The following ABCA8 variants were observed in gnomAD, a reference collection of about 807,000 sequenced individuals.
ABCA8 encodes the protein ABC-type organic anion transporter ABCA8.
Under a neutral mutation model 192.3 loss-of-function variants are expected in ABCA8, and 177 were observed. The observed-to-expected ratio is 0.92, with a 90% CI of 0.81 to 1.04. The LOEUF (loss-of-function observed/expected upper bound fraction) is 1.04, where lower values mean the gene tolerates loss of function less well. Ranked by LOEUF, ABCA8 falls within the 50% of genes least tolerant of loss-of-function variation. The pLI is 0.00. For synonymous variants in ABCA8, 642 were observed against 690.2 expected (o/e 0.93, Z 1.09); for missense variants, 1,915 against 1,904.8 (o/e 1.01, Z -0.10).
chr17:68,882,879 A>G (rs2066369011), intron 29 of ABCA8, among the ~76,000 whole-genome samples, 160 bp from the exon 30 acceptor site: 1 of 152,174 alleles, frequency 6.6e-6, no homozygotes, highest in African/African-American at 2.4e-5. Context: ...TGCTTATCTT[A>G]TCTATAGAAA....
chr17:68,881,257 A>T, intron 31 of ABCA8, 46 bp from the exon 32 acceptor site: 1 of 1,324,284 alleles, frequency 7.6e-7, no homozygotes, highest in Non-Finnish European at 1.1e-6. Context: ...TAATGGTAAC[A>T]TTAAGAGTAA....
intron 5 of ABCA8, among the ~76,000 whole-genome samples, chr17:68,935,262 T>TTGTG (rs71144641): frequency 0.36 from 49,075 of 135,808 alleles, 9,454 homozygotes; most frequent in East Asian, 0.51. Context: ...GCCTGGCTAA[T>TTGTG]TGTGTGTGTG....
intron 33 of ABCA8, 122 bp from the exon 34 acceptor site, chr17:68,876,825 G>A (rs1455991536): frequency 6.1e-6 from 7 of 1,144,746 alleles, no homozygotes; most frequent in Non-Finnish European, 7.6e-6. Context: ...TGTGGTCGGG[G>A]GGCAGGGAAG....
Position 68,911,159 on chromosome 17 carries a change from CCTTGGCTCCTGGATCTGGA to C in ABCA8, c.2139-3299_2139-3281del, listed in dbSNP as rs2067219542. Among the ~76,000 whole-genome samples, 1 of 152,174 alleles carries C rather than the reference CCTTGGCTCCTGGATCTGGA, an allele frequency of 6.6e-6. No homozygotes were observed. ...GACTCCTGGGGTCCTGGATTCTAGG[CCTTGGCTCCTGGATCTGGA>C]CTTGCCCCAGGCCAGAGGGGAGCCC... On this transcript the variant is annotated intron_variant, in intron 17 of 39. Coordinates refer to ENST00000586539, the MANE Select transcript of ABCA8 (RefSeq NM_001288985.2). The surrounding 1 kb of genome is among the most constrained non-coding windows in gnomAD (Gnocchi z 5.7).
At chr17:68,922,437 T>C in intron 11 of ABCA8, 137 bp from the exon 12 acceptor site, 1 of 587,970 alleles carries the variant, frequency 1.7e-6, no homozygotes, top group Non-Finnish European at 2.8e-6. Context: ...GTCATAGCTG[T>C]GTGACAGAAT....
intron 29 of ABCA8, among the ~76,000 whole-genome samples, chr17:68,883,276 C>A (rs4148006): frequency 0.14 from 21,855 of 152,124 alleles, 1,697 homozygotes; most frequent in African/African-American, 0.2. Flanking sequence ...AAAGATGAAA[C>A]TGATGTGGTT....
At chr17:68,930,504 A>C (rs2067835673) in intron 7 of ABCA8, among the ~76,000 whole-genome samples, 1 of 152,222 alleles carries the variant, frequency 6.6e-6, no homozygotes, top group Non-Finnish European at 1.5e-5. Context: ...ATGAAATAAT[A>C]ATTTTAAAAA....
intron 4 of ABCA8, 126 bp from the exon 5 acceptor site, chr17:68,937,241 AG>A: frequency 2.5e-6 from 2 of 813,080 alleles, no homozygotes; most frequent in Non-Finnish European, 1.8e-6. Context: ...ATTAACTTTT[AG>A]AAAGTTAGAC....
intron 19 of ABCA8, among the ~76,000 whole-genome samples, chr17:68,905,337 C>T (rs1213652258): frequency 6.6e-6 from 1 of 152,156 alleles, no homozygotes; most frequent in East Asian, 1.9e-4. Context: ...ACACGGTCCA[C>T]ATGTTAGAAT....
At chr17:68,952,104 A>T (rs1393899189) in intron 1 of ABCA8, among the ~76,000 whole-genome samples, 2 of 152,170 alleles carry the variant, frequency 1.3e-5, no homozygotes, top group African/African-American at 4.8e-5. Context: ...AGAAACTATA[A>T]CTTATTTTAT....
rs147400868 is a variant in ABCA8 at position 68,929,908 on chromosome 17, T to C, written c.798-206A>G. ...TAGAATTAGGAATATTCTTTGGGAA[T>C]TAGGAATTGTTTTTCCTAAAATTGA... On this transcript the variant is annotated intron_variant, in intron 7 of 39. Coordinates refer to ENST00000586539, the MANE Select transcript of ABCA8 (RefSeq NM_001288985.2). 1.6e-3 allele frequency among the ~76,000 whole-genome samples: 241 copies of C among 151,024 alleles called. 1 individual carries two copies. Among genetic ancestry groups the C allele is most frequent in the African/African-American group, 5.4e-3 (223 of 41,142 alleles).
chr17:68,898,528 G>A (rs1033832565), intron 21 of ABCA8, among the ~76,000 whole-genome samples: 5 of 152,080 alleles, frequency 3.3e-5, no homozygotes, highest in African/African-American at 9.7e-5. Flanking sequence ...AGGCCAAAGA[G>A]GATCAGCAAA....
At chr17:68,881,310 G>T in intron 31 of ABCA8, 99 bp from the exon 32 acceptor site, 1 of 864,124 alleles carries the variant, frequency 1.2e-6, no homozygotes, top group South Asian at 1.6e-5. Flanking sequence ...TTTGCTATTA[G>T]TTGTCATTTA....
chr17:68,910,105 C>T (rs915195556), intron 17 of ABCA8, among the ~76,000 whole-genome samples: 2 of 152,134 alleles, frequency 1.3e-5, no homozygotes, highest in African/African-American at 4.8e-5. Flanking sequence ...CAGAAATCTT[C>T]CCATCCCCCA....
chr17:68,929,314 A>T lies in ABCA8; in HGVS notation c.940-80T>A, dbSNP rs2067793052. On this transcript the variant is annotated intron_variant, in intron 8 of 39. Coordinates refer to ENST00000586539, the MANE Select transcript of ABCA8 (RefSeq NM_001288985.2). ...TAATAAAATAGATATACAAAATTAT[A>T]GTTATTTTGTGTATGTAACAGTTGT... 21 of 1,223,518 alleles carry T rather than the reference A, an allele frequency of 1.7e-5. No homozygotes were observed. The South Asian group carries it at 4.1e-4, about 24-fold the overall frequency. 75.8% of individuals were successfully genotyped at this position (1,223,518 alleles called of 1,614,324 possible).
chr17:68,903,285 CA>C lies in ABCA8; in HGVS notation c.2597+15del, dbSNP rs1448601731. The C allele has an allele frequency of 6.2e-7, 1 of 1,612,926 alleles. No homozygotes were observed. On this transcript the variant is annotated intron_variant, in intron 20 of 39. Transcript: ENST00000586539. ...ATTGACTTAAAAAGAAAACCTATGG[CA>C]ACTCTGATACTTACAGTGCTAAAAG...
chr17:68,917,930 A>C, intron 16 of ABCA8, 117 bp downstream of exon 16: 2 of 1,251,558 alleles, frequency 1.6e-6, no homozygotes, highest in Non-Finnish European at 1.1e-6. Context: ...CCAGCCATTC[A>C]ATTTACCAGA....
At chr17:68,883,665 G>T in intron 29 of ABCA8, 126 bp downstream of exon 29, 1 of 614,292 alleles carries the variant, frequency 1.6e-6, no homozygotes, top group Non-Finnish European at 2.9e-6. Context: ...ATTTGTATGG[G>T]CACATGGTTC....
intron 4 of ABCA8, among the ~76,000 whole-genome samples, chr17:68,937,558 G>A (rs1365646051): frequency 2.0e-5 from 3 of 151,904 alleles, no homozygotes; most frequent in Admixed American, 6.6e-5. Context: ...AGCTAAAAAA[G>A]GTGATAAATT....
Sources: allele counts gnomAD v4.1 joint callset (sites outside exome capture counted in the v4.1 genomes callset), GRCh38; gene constraint gnomAD v4.1.1; non-coding constraint Gnocchi (gnomAD v3.1); transcripts MANE v1.5; gene names NCBI Gene and HGNC (gene_info 2026-07-23, HGNC 2026-07-21).